DSCAM: variants seen among roughly 807,000 people sequenced by gnomAD.
DSCAM encodes the protein DS cell adhesion molecule, also known as cell adhesion molecule DSCAM.
DSCAM carries 47 observed loss-of-function variants against 217.7 expected under a neutral mutation model. That is an observed-to-expected ratio of 0.22 (90% CI 0.17 to 0.28). The LOEUF is 0.28. Ranked by LOEUF, DSCAM falls within the 10% of genes least tolerant of loss-of-function variation. DSCAM has a pLI of 1.00. For missense variants in DSCAM, 2,080 were observed against 2,618.3 expected (o/e 0.79, Z 4.49); for synonymous variants, 1,056 against 1,015.3 (o/e 1.04, Z -0.76).
At chr21:40,662,649 C>T (rs1467849423) in intron 3 of DSCAM, among the ~76,000 whole-genome samples, 1 of 152,134 alleles carries the variant, frequency 6.6e-6, no homozygotes, top group African/African-American at 2.4e-5. Context: ...GAACCCTGTT[C>T]CCCAACATGA....
At chr21:40,615,211 G>T (rs1320621392) in intron 3 of DSCAM, among the ~76,000 whole-genome samples, 1 of 150,322 alleles carries the variant, frequency 6.7e-6, no homozygotes, top group Non-Finnish European at 1.5e-5. Context: ...TGAACCAGGA[G>T]GTGGAGGTTG....
chr21:40,636,596 AG>A (rs1457713738), intron 3 of DSCAM, among the ~76,000 whole-genome samples: 2 of 152,146 alleles, frequency 1.3e-5, no homozygotes, highest in Admixed American at 6.5e-5. Flanking sequence ...CCTCTAACAT[AG>A]AAAAATATGC....
At chr21:40,342,788 T>C (rs1486072957) in intron 6 of DSCAM, among the ~76,000 whole-genome samples, 2 of 124,192 alleles carry the variant, frequency 1.6e-5, no homozygotes, top group Non-Finnish European at 3.2e-5. Context: ...AGTTTTGCCA[T>C]GTTTCCCAGG....
intron 3 of DSCAM, among the ~76,000 whole-genome samples, chr21:40,658,528 C>T (rs917688125): frequency 2.2e-4 from 34 of 152,178 alleles, no homozygotes; most frequent in Admixed American, 2.2e-3. Flanking sequence ...CACCATGGGG[C>T]GTCCTGGGAA....
chr21:40,356,690 G>A (rs908335842), intron 4 of DSCAM, among the ~76,000 whole-genome samples: 3 of 152,196 alleles, frequency 2.0e-5, no homozygotes, highest in Non-Finnish European at 2.9e-5. Flanking sequence ...TGCACGTGAG[G>A]ATAATGGATC....
intron 3 of DSCAM, among the ~76,000 whole-genome samples, chr21:40,541,678 C>T (rs187213599): frequency 6.6e-6 from 1 of 152,018 alleles, no homozygotes; most frequent in East Asian, 1.9e-4. Flanking sequence ...GACCTAAGGT[C>T]AACATTTTAC....
intron 1 of DSCAM, among the ~76,000 whole-genome samples, chr21:40,784,521 C>T (rs1250190510): frequency 6.6e-6 from 1 of 152,186 alleles, no homozygotes; most frequent in Admixed American, 6.5e-5. Flanking sequence ...CATACAGAAA[C>T]AAGTCAACAT....
chr21:40,781,042 CCT>C (rs2091539674), intron 1 of DSCAM, among the ~76,000 whole-genome samples: 1 of 151,956 alleles, frequency 6.6e-6, no homozygotes, highest in East Asian at 1.9e-4. Flanking sequence ...GGAGTCCCAC[CCT>C]GTCACCCAGG....
chr21:40,714,088 C>T (rs746273923), intron 1 of DSCAM, among the ~76,000 whole-genome samples: 3 of 152,210 alleles, frequency 2.0e-5, no homozygotes, highest in Non-Finnish European at 4.4e-5. Flanking sequence ...TGGGGCATGG[C>T]TTTCTCCACC....
At chr21:40,297,930 T>C (rs2073973116) in intron 9 of DSCAM, among the ~76,000 whole-genome samples, 1 of 152,170 alleles carries the variant, frequency 6.6e-6, no homozygotes. Flanking sequence ...CTCAATTTAC[T>C]TATCTGAAAA....
At chr21:40,056,926 C>A (rs970467553) in intron 28 of DSCAM, among the ~76,000 whole-genome samples, 1 of 152,234 alleles carries the variant, frequency 6.6e-6, no homozygotes, top group African/African-American at 2.4e-5. Flanking sequence ...AGGGCTGTGC[C>A]TCCACCGATC....
rs554645029 is a variant in DSCAM at position 40,248,958 on chromosome 21, T to G, written c.2356+27139A>C. Among the ~76,000 whole-genome samples, 82 of 152,230 alleles carry G rather than the reference T, an allele frequency of 5.4e-4. 1 individual carries two copies. The highest frequency in any genetic ancestry group is 1.9e-3 in the African/African-American group (79 of 41,564). ...AAGATGAAGTAAAAGCAGAAACCCC[T>G]GATAAACCCATCAGATCTCATGAGA... On this transcript the variant is annotated intron_variant, in intron 11 of 32. Coordinates refer to ENST00000400454, the MANE Select transcript of DSCAM (RefSeq NM_001389.5).
At chr21:40,790,423 A>T (rs1388998142) in intron 1 of DSCAM, among the ~76,000 whole-genome samples, 2 of 152,070 alleles carry the variant, frequency 1.3e-5, no homozygotes, top group Non-Finnish European at 2.9e-5. Flanking sequence ...AGCTTCTCGT[A>T]GTTAGCTTTT....
At chr21:40,754,768 A>ATT (rs1220570066) in intron 1 of DSCAM, among the ~76,000 whole-genome samples, 1 of 152,178 alleles carries the variant, frequency 6.6e-6, no homozygotes, top group Non-Finnish European at 1.5e-5. Context: ...ACCACCGCTC[A>ATT]TTTTTGTTTC....
At chr21:40,660,173 G>T (rs959744112) in intron 3 of DSCAM, among the ~76,000 whole-genome samples, 2 of 152,160 alleles carry the variant, frequency 1.3e-5, no homozygotes, top group African/African-American at 2.4e-5. Flanking sequence ...CAGTTAATGA[G>T]CAGCAGAAAG....
chr21:40,344,132 C>T (rs1368482955), intron 6 of DSCAM, among the ~76,000 whole-genome samples: 1 of 152,104 alleles, frequency 6.6e-6, no homozygotes, highest in Non-Finnish European at 1.5e-5. Context: ...CTCCTGACCT[C>T]GAGTGAGCCG....
chr21:40,632,509 CAT>C (rs2089706048), intron 3 of DSCAM, among the ~76,000 whole-genome samples: 1 of 152,096 alleles, frequency 6.6e-6, no homozygotes, highest in African/African-American at 2.4e-5. Context: ...CGAGGTAAAA[CAT>C]ATAAAGGACA....
chr21:40,276,208 C>T lies in DSCAM; in HGVS notation c.2245G>A (p.Gly749Arg). ...ACGACATGCTTGATCAGCAACGACC[C>T]ATTGCTGAGAACTTGGATTCGGCCA... Reference protein sequence around the residue: ...LNGRIQVLSNGSLLIKHVVEE... With the variant: ...LNGRIQVLSNRSLLIKHVVEE... The change falls in exon 11 of 33, where the codon GGG becomes AGG. Residue 749 changes from glycine to arginine, a missense_variant. Transcript: ENST00000400454. The T allele has an allele frequency of 6.2e-7, 1 of 1,613,236 alleles. No homozygotes were observed. The highest frequency in any genetic ancestry group is 8.5e-7 in the Non-Finnish European group (1 of 1,179,554).
intron 32 of DSCAM, among the ~76,000 whole-genome samples, chr21:40,028,618 GC>G (rs1216792137): frequency 6.6e-6 from 1 of 152,186 alleles, no homozygotes; most frequent in Non-Finnish European, 1.5e-5. Context: ...TTTTCCAGGT[GC>G]CGTCCGTCAC....
Sources: gnomAD v4.1 joint callset for allele counts (sites outside exome capture counted in the v4.1 genomes callset) on GRCh38, gnomAD v4.1.1 for gene constraint, MANE v1.5 for transcripts, NCBI Gene and HGNC (gene_info 2026-07-23, HGNC 2026-07-21) for gene names.